CNTNAP2: variants seen among roughly 807,000 people sequenced by gnomAD.
CNTNAP2 encodes the protein contactin associated protein 2.
A neutral mutation model predicts 155.2 loss-of-function variants in CNTNAP2; 98 were observed. The ratio of observed to expected loss-of-function variants is 0.63; its 90% confidence interval spans 0.54 to 0.75. The LOEUF (loss-of-function observed/expected upper bound fraction) is 0.75. CNTNAP2 is among the 30% of genes least tolerant of loss of function. The pLI, the probability that CNTNAP2 is intolerant of heterozygous loss-of-function variation, is 0.00. For missense variants in CNTNAP2, 1,727 were observed against 1,688.1 expected (o/e 1.02, Z -0.40); for synonymous variants, 651 against 631.2 (o/e 1.03, Z -0.47).
At chr7:147,416,001 A>C (rs1018064351) in intron 10 of CNTNAP2, among the ~76,000 whole-genome samples, 1 of 152,198 alleles carries the variant, frequency 6.6e-6, no homozygotes, top group East Asian at 1.9e-4. Flanking sequence ...TCTGAGCTGT[A>C]TTGCACTTAT....
At chr7:147,270,391 C>T (rs968488416) in intron 8 of CNTNAP2, among the ~76,000 whole-genome samples, 2 of 152,180 alleles carry the variant, frequency 1.3e-5, no homozygotes, top group African/African-American at 2.4e-5. Context: ...TTGCATGTTA[C>T]AATAATAATA....
intron 1 of CNTNAP2, among the ~76,000 whole-genome samples, chr7:146,721,239 T>G (rs1260213817): frequency 8.1e-6 from 1 of 123,594 alleles, no homozygotes; most frequent in Non-Finnish European, 1.6e-5. Context: ...CTCTATATAC[T>G]CTCTCTATAT....
intron 13 of CNTNAP2, among the ~76,000 whole-genome samples, chr7:147,860,944 G>T (rs1161314191): frequency 6.6e-6 from 1 of 152,190 alleles, no homozygotes; most frequent in Non-Finnish European, 1.5e-5. Context: ...TGGAATGAAA[G>T]ATACTGACCC....
chr7:147,792,627 C>T (rs565869970), intron 13 of CNTNAP2, among the ~76,000 whole-genome samples: 1 of 152,046 alleles, frequency 6.6e-6, no homozygotes, highest in South Asian at 2.1e-4. Flanking sequence ...ATTGAGTTTA[C>T]ATTTTTGCCT....
intron 3 of CNTNAP2, among the ~76,000 whole-genome samples, chr7:146,906,213 C>G (rs1049535833): frequency 2.6e-4 from 39 of 151,556 alleles, no homozygotes; most frequent in Middle Eastern, 3.5e-3. Context: ...AAGGCGGCAG[C>G]GAGGCTGGGG....
At chr7:146,389,868 A>T (rs557237503) in intron 1 of CNTNAP2, among the ~76,000 whole-genome samples, 1 of 151,506 alleles carries the variant, frequency 6.6e-6, no homozygotes, top group South Asian at 2.1e-4. Flanking sequence ...CGCCCAGCTA[A>T]ATTTGTATTT....
intron 21 of CNTNAP2, among the ~76,000 whole-genome samples, chr7:148,305,852 G>A (rs149488472): frequency 4.6e-4 from 70 of 152,182 alleles, no homozygotes; most frequent in Middle Eastern, 3.4e-3. Context: ...GAGCCAAGCC[G>A]TATCACCATC....
intron 8 of CNTNAP2, among the ~76,000 whole-genome samples, chr7:147,158,517 A>G (rs1801968093): frequency 6.6e-6 from 1 of 152,098 alleles, no homozygotes; most frequent in Admixed American, 6.6e-5. Context: ...GTTAAATCCC[A>G]TCTTATTCAG....
intron 18 of CNTNAP2, among the ~76,000 whole-genome samples, chr7:148,180,550 A>G (rs2116702867): frequency 6.7e-6 from 1 of 149,186 alleles, no homozygotes; most frequent in South Asian, 2.2e-4. Flanking sequence ...TTCTCAGAAG[A>G]AAAAAAAAAC....
At chr7:147,957,433 A>C (rs1801036141) in intron 14 of CNTNAP2, among the ~76,000 whole-genome samples, 1 of 152,166 alleles carries the variant, frequency 6.6e-6, no homozygotes, top group African/African-American at 2.4e-5. Context: ...AGTAAATGAA[A>C]TGGAAAATTA....
intron 15 of CNTNAP2, among the ~76,000 whole-genome samples, chr7:148,054,633 C>T (rs10252980): frequency 0.57 from 87,009 of 151,550 alleles, 25,126 homozygotes; most frequent in Admixed American, 0.62. Flanking sequence ...GAGGCCAACT[C>T]TTTTCCTTTA....
At chr7:147,295,651 T>C (rs1429619891) in intron 8 of CNTNAP2, among the ~76,000 whole-genome samples, 1 of 152,194 alleles carries the variant, frequency 6.6e-6, no homozygotes, top group Non-Finnish European at 1.5e-5. Context: ...GCCTTCAGGA[T>C]ACTATTTCTT....
In CNTNAP2 at chr7:146,331,174, A is replaced by G. The variant is rs1046428833; in HGVS notation, c.97+214201A>G. 2.2e-4 allele frequency among the ~76,000 whole-genome samples: 33 copies of G among 151,706 alleles called. 1 individual carries two copies. The East Asian group carries it at 3.1e-3, about 14-fold the overall frequency. On this transcript the variant is annotated intron_variant, in intron 1 of 23. Transcript: ENST00000361727. Reference sequence around the variant, plus strand: ...AAAAAATTAGCCGGGCGTGGTAGCGAGCGCCTGTAGTCCCAGCTACTCGGG... The same window carrying G: ...AAAAAATTAGCCGGGCGTGGTAGCGGGCGCCTGTAGTCCCAGCTACTCGGG...
chr7:146,963,344 T>C (rs373323575), intron 3 of CNTNAP2, among the ~76,000 whole-genome samples: 3 of 152,334 alleles, frequency 2.0e-5, no homozygotes, highest in African/African-American at 7.2e-5. Flanking sequence ...AAATGTCATG[T>C]ATCTTTGCTT....
intron 3 of CNTNAP2, among the ~76,000 whole-genome samples, chr7:146,843,876 G>A (rs1803793075): frequency 6.6e-6 from 1 of 151,960 alleles, no homozygotes; most frequent in Admixed American, 6.6e-5. Flanking sequence ...CTTTTTGATG[G>A]AAAACACCTT....
intron 3 of CNTNAP2, among the ~76,000 whole-genome samples, chr7:146,885,154 C>A (rs887452061): frequency 6.6e-6 from 1 of 152,044 alleles, no homozygotes; most frequent in African/African-American, 2.4e-5. Context: ...TTTCAGAGGA[C>A]ATAGAAACAA....
At chr7:146,343,610 G>T (rs10282451) in intron 1 of CNTNAP2, among the ~76,000 whole-genome samples, 35,215 of 151,814 alleles carry the variant, frequency 0.23, 8,557 homozygotes, top group African/African-American at 0.62. Flanking sequence ...TTTAAAATGA[G>T]GATTTTTTAA....
At chr7:146,305,998 A>C (rs938651182) in intron 1 of CNTNAP2, among the ~76,000 whole-genome samples, 1 of 152,140 alleles carries the variant, frequency 6.6e-6, no homozygotes, top group Non-Finnish European at 1.5e-5. Context: ...ATAGACCGCT[A>C]GCAAGACAAA....
intron 8 of CNTNAP2, among the ~76,000 whole-genome samples, chr7:147,142,388 T>A (rs1227922754): frequency 3.3e-5 from 5 of 152,292 alleles, no homozygotes; most frequent in South Asian, 4.1e-4. Context: ...ATTGATTTTC[T>A]TATATTGAAC....
Sources: gnomAD v4.1 joint callset for allele counts (sites outside exome capture counted in the v4.1 genomes callset) on GRCh38, gnomAD v4.1.1 for gene constraint, MANE v1.5 for transcripts, NCBI Gene and HGNC (gene_info 2026-07-23, HGNC 2026-07-21) for gene names.